Variants in TRPM4 observed in about 807,000 individuals in gnomAD.
TRPM4 encodes transient receptor potential cation channel subfamily M member 4.
Under a neutral mutation model 135.6 loss-of-function variants are expected in TRPM4, and 124 were observed. The observed-to-expected ratio is 0.91, with a 90% confidence interval of 0.79 to 1.06. The LOEUF is 1.06. Ranked by LOEUF, TRPM4 falls within the 50% of genes least tolerant of loss-of-function variation. The pLI, the probability that TRPM4 is intolerant of heterozygous loss-of-function variation, is 0.00. For synonymous variants in TRPM4, 745 were observed against 705.6 expected, an observed-to-expected ratio of 1.06 and a Z score of -0.88; for missense variants, 1,658 against 1,671.4, an observed-to-expected ratio of 0.99 and a Z score of 0.14.
Position 49,171,621 on chromosome 19 carries a change from T to C in TRPM4, c.902T>C (p.Val301Ala). 1 of 1,614,078 alleles carries C rather than the reference T, an allele frequency of 6.2e-7. No homozygotes were observed. Among genetic ancestry groups the C allele is most frequent in the Non-Finnish European group, 8.5e-7 (1 of 1,180,012 alleles). Reference protein sequence around the residue: ...ATQAQLPCLLVAGSGGAADCL... With the variant: ...ATQAQLPCLLAAGSGGAADCL... ...CAGGCTCAGCTCCCATGTCTCCTCG[T>C]GGCTGGCTCAGGGGGAGCTGCGGAC... Residue 301 changes from valine to alanine, a missense_variant, in exon 8 of 25, where the codon GTG becomes GCG. Transcript: ENST00000252826. This position sits in a 1 kb window ranked among gnomAD's most constrained non-coding sequence, Gnocchi z 4.7.
intron 19 of TRPM4, among the ~76,000 whole-genome samples, chr19:49,201,336 T>C (rs1156584858): frequency 2.0e-5 from 3 of 152,102 alleles, no homozygotes; most frequent in African/African-American, 7.2e-5. Flanking sequence ...AAGTAACTTG[T>C]GGAATGTTGA....
At position 49,211,441 on chromosome 19, in the gene TRPM4, G is replaced by C. The variant is rs1568499927; in HGVS notation, c.3641-53G>C. The stretch of plus-strand genomic sequence containing the variant: ...TTTTTGCCAGTCTCCCAGTTTTTCT[G>C]TCTCTCCCCTTCCCTGCCAATCACC... On this transcript the variant is annotated intron_variant, in intron 24 of 24. Coordinates refer to ENST00000252826, the MANE Select transcript of TRPM4 (RefSeq NM_017636.4). This position sits in a 1 kb window ranked among gnomAD's most constrained non-coding sequence, Gnocchi z 4.8. 1.2e-6 allele frequency: 2 copies of C among 1,613,104 alleles called. No individual in the cohort carries two copies. Among genetic ancestry groups the C allele is most frequent in the African/African-American group, 1.3e-5 (1 of 74,896 alleles).
intron 4 of TRPM4, 57 bp from the exon 5 acceptor site, chr19:49,168,203 T>G: frequency 1.2e-6 from 2 of 1,611,074 alleles, no homozygotes; most frequent in Non-Finnish European, 1.7e-6. Context: ...TGTGTGTCTC[T>G]GTCTTATTCT....
At position 49,171,447 on chromosome 19, in the gene TRPM4, G is replaced by T; in HGVS notation, c.858+29G>T. ...TAGGGGCCCGGATGCCCGGATCTAA[G>T]GGGGAAGGAGGGTTGGGGGCCAGGA... On this transcript the variant is annotated intron_variant, in intron 7 of 24. Transcript: ENST00000252826. The surrounding 1 kb of genome is among the most constrained non-coding windows in gnomAD (Gnocchi z 4.7). 1.9e-6 allele frequency: 3 copies of T among 1,613,898 alleles called. No homozygotes were observed. Among genetic ancestry groups the T allele is most frequent in the Non-Finnish European group, 2.5e-6 (3 of 1,179,864 alleles).
Position 49,171,876 on chromosome 19 carries a change from C to T in TRPM4, c.1050+107C>T, listed in dbSNP as rs997456660. 5.1e-5 allele frequency: 72 copies of T among 1,418,594 alleles called. No homozygotes were observed. The highest frequency in any genetic ancestry group is 7.4e-5 in the Admixed American group (4 of 54,374). 87.9% of individuals were successfully genotyped at this position (1,418,594 alleles called of 1,614,324 possible). A position where few individuals can be genotyped will look rare whatever the true frequency, so the allele number is the denominator to read the frequency against. On this transcript the variant is annotated intron_variant, in intron 8 of 24. Coordinates refer to ENST00000252826, the MANE Select transcript of TRPM4 (RefSeq NM_017636.4). This position sits in a 1 kb window ranked among gnomAD's most constrained non-coding sequence, Gnocchi z 4.7. ...GCTGGGGGCCTGGACTTCCAGGTTC[C>T]GGGAGAAGAGGGTGCTGGGCATATA...
rs991572485 is a variant in TRPM4 at position 49,188,952 on chromosome 19, T to C, written c.1880T>C (p.Phe627Ser). 3 of 1,614,126 alleles carry C rather than the reference T, an allele frequency of 1.9e-6. No individual in the cohort carries two copies. The highest frequency in any genetic ancestry group is 3.3e-5 in the Admixed American group (2 of 60,012). The change falls in exon 14 of 25, where the codon TTT becomes TCT. Residue 627 changes from phenylalanine (F) to serine (S), a missense_variant. By Grantham distance (155) the Phe-to-Ser change is radical (BLOSUM62 -2). Transcript: ENST00000252826. ...ACTAACTCCTCTGCCCCAGACCTCTTTGGCGAGTGCTATCGCAGCAGTGAG... is the reference window on the plus strand; with the variant it reads ...ACTAACTCCTCTGCCCCAGACCTCTCTGGCGAGTGCTATCGCAGCAGTGAG... ...FKFEGMGVDLFGECYRSSEVR... is the reference protein window; with the variant it reads ...FKFEGMGVDLSGECYRSSEVR...
Position 49,199,554 on chromosome 19 carries a change from C to T in TRPM4, c.2646-746C>T, listed in dbSNP as rs146850732. On this transcript the variant is annotated intron_variant, in intron 17 of 24. Coordinates refer to ENST00000252826, the MANE Select transcript of TRPM4 (RefSeq NM_017636.4). ...GATTACAGGCGTGAGCCACTGCGACCGGCCACCCTCCCGTTTTTTTAATTG... is the reference window on the plus strand; with the variant it reads ...GATTACAGGCGTGAGCCACTGCGACTGGCCACCCTCCCGTTTTTTTAATTG... 8.1e-3 allele frequency among the ~76,000 whole-genome samples: 1,206 copies of T among 149,318 alleles called. 53 individuals are homozygous for T. Among genetic ancestry groups the T allele is most frequent in the Admixed American group, 0.059 (882 of 14,998 alleles).
At chr19:49,199,239 TTG>T (rs1968818416) in intron 17 of TRPM4, among the ~76,000 whole-genome samples, 1 of 144,062 alleles carries the variant, frequency 6.9e-6, no homozygotes, top group Non-Finnish European at 1.5e-5. Flanking sequence ...TTGTGCCCCC[TTG>T]TTTTTTTTTT....
chr19:49,196,416 C>T (rs944296975), intron 16 of TRPM4, 24 bp from the exon 17 acceptor site: 48 of 1,521,584 alleles, frequency 3.2e-5, no homozygotes, highest in Non-Finnish European at 4.2e-5. Flanking sequence ...GAGGCCTCCT[C>T]CCTTCTCTTC....
At position 49,196,803 on chromosome 19, in the gene TRPM4, C is replaced by T. The variant is rs767281296; in HGVS notation, c.2574C>T (p.Leu858=). The change falls in exon 17 of 25, where the codon CTC becomes CTT. Residue 858 remains leucine (L), a synonymous_variant. Coordinates refer to ENST00000252826, the MANE Select transcript of TRPM4 (RefSeq NM_017636.4). Reference sequence around the variant, plus strand: ...CCTCACTGAGCCAGCGCCTGCGCCTCTACCTCGCCGACAGCTGGAACCAGT... The same window carrying T: ...CCTCACTGAGCCAGCGCCTGCGCCTTTACCTCGCCGACAGCTGGAACCAGT... ...GHASLSQRLR[L]YLADSWNQCD... 1.3e-6 allele frequency: 2 copies of T among 1,585,168 alleles called. No homozygotes were observed. Among genetic ancestry groups the T allele is most frequent in the Admixed American group, 1.7e-5 (1 of 58,282 alleles).
intron 6 of TRPM4, among the ~76,000 whole-genome samples, chr19:49,169,009 C>CAATAATAAT (rs577879197): frequency 2.7e-5 from 4 of 149,110 alleles, no homozygotes; most frequent in South Asian, 2.2e-4. Context: ...TTGTCTCTAC[C>CAATAATAAT]AATAATAATA....
At chr19:49,183,301 C>A in intron 12 of TRPM4, 89 bp downstream of exon 12, 2 of 1,564,396 alleles carry the variant, frequency 1.3e-6, no homozygotes, top group Non-Finnish European at 1.7e-6. Context: ...AATTCCCCGA[C>A]CCCTGACGTC....
At chr19:49,184,020 C>T (rs1266486195) in intron 12 of TRPM4, among the ~76,000 whole-genome samples, 1 of 152,066 alleles carries the variant, frequency 6.6e-6, no homozygotes, top group Non-Finnish European at 1.5e-5. Flanking sequence ...CTTGGCCTCC[C>T]GAAGTGCTGG....
At chr19:49,158,322 T>C in intron 2 of TRPM4, 63 bp downstream of exon 2, 1 of 1,489,962 alleles carries the variant, frequency 6.7e-7, no homozygotes, top group Non-Finnish European at 9.4e-7. Flanking sequence ...CGCCCGCGGA[T>C]GGTCACGCCC....
Position 49,183,211 on chromosome 19 carries a change from T to C in TRPM4, c.1742T>C (p.Met581Thr), listed in dbSNP as rs770847749. The C allele has an allele frequency of 1.2e-6, 2 of 1,614,086 alleles. No individual in the cohort carries two copies. Among genetic ancestry groups the C allele is most frequent in the Non-Finnish European group, 1.7e-6 (2 of 1,180,024 alleles). ...RAQMAMYFWE[M>T]GSNAVSSALG... ...CAGATGGCCATGTACTTCTGGGAGA[T>C]GGTGAGTGCTGACTTGGCGCTCCTG... The change falls in exon 12 of 25, where the codon ATG becomes ACG. Residue 581 changes from methionine to threonine, a missense_variant and splice_region_variant. Coordinates refer to ENST00000252826, the MANE Select transcript of TRPM4 (RefSeq NM_017636.4).
intron 2 of TRPM4, chr19:49,158,895 G>A (rs1402058395): frequency 2.0e-5 from 3 of 152,200 alleles, no homozygotes; most frequent in Non-Finnish European, 2.9e-5. Flanking sequence ...ACTGGGAGGT[G>A]GCAATTATTA....
At chr19:49,191,382 TTAAAG>T (rs1968406584) in intron 16 of TRPM4, among the ~76,000 whole-genome samples, 2 of 151,976 alleles carry the variant, frequency 1.3e-5, no homozygotes, top group South Asian at 2.1e-4. Context: ...TTTTGTATCT[TTAAAG>T]TAGAGTCGGG....
intron 17 of TRPM4, among the ~76,000 whole-genome samples, chr19:49,197,306 C>CTT (rs34115646): frequency 8.0e-6 from 1 of 125,450 alleles, no homozygotes; most frequent in South Asian, 2.8e-4. Flanking sequence ...CTCTTTCTTT[C>CTT]TTTTTCTTTC....
rs779763844 is a variant in TRPM4 at position 49,171,375 on chromosome 19, C to G, written c.815C>G (p.Pro272Arg). The G allele has an allele frequency of 1.4e-5, 23 of 1,613,968 alleles. No homozygotes were observed. The highest frequency in any genetic ancestry group is 1.9e-5 in the Non-Finnish European group (23 of 1,180,022). ...TGVGGTGIDI[P>R]VLLLLIDGDE... ...GCCTCAGGGACTGGAATTGACATCC[C>G]TGTCCTGCTCCTCCTGATTGATGGT... is the stretch of plus-strand genomic sequence containing the variant. Residue 272 changes from proline to arginine, a missense_variant, in exon 7 of 25, where the codon CCT becomes CGT. This residue lies in a region of TRPM4 where 1,412 missense variants were observed against 1,408.7 expected (regional missense o/e 1.00). Coordinates refer to ENST00000252826, the MANE Select transcript of TRPM4 (RefSeq NM_017636.4). The surrounding 1 kb of genome is among the most constrained non-coding windows in gnomAD (Gnocchi z 4.7).
Sources: gnomAD v4.1 joint callset for allele counts (sites outside exome capture counted in the v4.1 genomes callset) on GRCh38, gnomAD v4.1.1 for gene constraint, gnomAD v4.1.1 regional missense constraint, Gnocchi (gnomAD v3.1) non-coding constraint, MANE v1.5 for transcripts, NCBI Gene and HGNC (gene_info 2026-07-23, HGNC 2026-07-21) for gene names.